The following ATP11A variants were observed in gnomAD, a reference collection of about 807,000 sequenced individuals.
ATP11A encodes ATPase phospholipid transporting 11A.
A neutral mutation model predicts 154.4 loss-of-function variants in ATP11A; 81 were observed. That is an observed-to-expected ratio of 0.52 (90% CI 0.44 to 0.63). The LOEUF (loss-of-function observed/expected upper bound fraction) is 0.63, where lower values mean the gene tolerates loss of function less well. Ranked by LOEUF, ATP11A falls within the 30% of genes least tolerant of loss-of-function variation. The pLI, the probability that ATP11A is intolerant of heterozygous loss-of-function variation, is 0.00. For missense variants in ATP11A, 1,316 were observed against 1,474.3 expected, an observed-to-expected ratio of 0.89 and a Z score of 1.76; for synonymous variants, 623 against 585.9, an observed-to-expected ratio of 1.06 and a Z score of -0.91.
intron 1 of ATP11A, among the ~76,000 whole-genome samples, chr13:112,714,026 A>C (rs1888106731): frequency 1.6e-5 from 1 of 63,426 alleles, no homozygotes; most frequent in African/African-American, 6.3e-5. Flanking sequence ...CCCTGATCCC[A>C]CACCTCCCTT....
In ATP11A at chr13:112,690,829, G is replaced by T. The variant is rs1226608813; in HGVS notation, c.39+374G>T. On this transcript the variant is annotated intron_variant, in intron 1 of 29. Transcript: ENST00000375645. The surrounding 1 kb of genome is among the most constrained non-coding windows in gnomAD (Gnocchi z 5.6). ...GGGAGCCAACTTCGACCCCGCCGGG[G>T]CCCGGGTCTGGGGAGGAACCTTCAG... 6.6e-6 allele frequency among the ~76,000 whole-genome samples: 1 copy of T among 152,216 alleles called. No individual in the cohort carries two copies. The highest frequency in any genetic ancestry group is 1.5e-5 in the Non-Finnish European group (1 of 68,028).
At chr13:112,866,565 G>C (rs1383739782) in intron 25 of ATP11A, among the ~76,000 whole-genome samples, 1 of 150,912 alleles carries the variant, frequency 6.6e-6, no homozygotes, top group Non-Finnish European at 1.5e-5. Context: ...CTGCTTAAAT[G>C]CCTCAGGTAT....
intron 16 of ATP11A, among the ~76,000 whole-genome samples, chr13:112,836,751 C>A (rs996245050): frequency 1.3e-5 from 2 of 152,244 alleles, no homozygotes; most frequent in African/African-American, 4.8e-5. Flanking sequence ...ACACTCGGTT[C>A]GTGCTCCGGA....
chr13:112,851,464 A>G, intron 18 of ATP11A: 1 of 421,664 alleles, frequency 2.4e-6, no homozygotes. Flanking sequence ...GAAGTAGTGA[A>G]AATAGCTTTG....
chr13:112,880,911 A>G (rs2080866651), intron 29 of ATP11A: 3 of 994,904 alleles, frequency 3.0e-6, no homozygotes, highest in Non-Finnish European at 3.6e-6. Context: ...CAGACCCAGC[A>G]TCGTCAGACA....
At position 112,862,809 on chromosome 13, in the gene ATP11A, A is replaced by G. The variant is rs564903433; in HGVS notation, c.2991+234A>G. On this transcript the variant is annotated intron_variant, in intron 25 of 29. Coordinates refer to ENST00000375645, the MANE Select transcript of ATP11A (RefSeq NM_015205.3). ...CAGCTTCCCAGCAGGGTCCATCACC[A>G]CCTGCGCAGTAATTCAGTGCAGCCC... is the stretch of plus-strand genomic sequence containing the variant. Among the ~76,000 whole-genome samples the G allele has an allele frequency of 4.0e-4, 59 of 146,214 alleles. 1 individual carries two copies. Among genetic ancestry groups the G allele is most frequent in the Non-Finnish European group, 7.5e-4 (51 of 67,614 alleles).
At chr13:112,733,118 A>G (rs1168958737) in intron 1 of ATP11A, among the ~76,000 whole-genome samples, 1 of 152,260 alleles carries the variant, frequency 6.6e-6, no homozygotes, top group Non-Finnish European at 1.5e-5. Context: ...TACATTTCTT[A>G]AAGAACTAAT....
At chr13:112,876,751 G>T (rs1411962984) in intron 28 of ATP11A, among the ~76,000 whole-genome samples, 1 of 152,256 alleles carries the variant, frequency 6.6e-6, no homozygotes, top group Admixed American at 6.5e-5. Flanking sequence ...AGGGTGTGAG[G>T]CTCCCCAGGT....
At position 112,726,843 on chromosome 13, in the gene ATP11A, C is replaced by T. The variant is rs79272408; in HGVS notation, c.39+36388C>T. Among the ~76,000 whole-genome samples the T allele has an allele frequency of 3.9e-3, 601 of 152,314 alleles. 4 individuals carry two copies. Among genetic ancestry groups the T allele is most frequent in the African/African-American group, 0.014 (566 of 41,574 alleles). ...ACAAGCAGAATAAAAAATGCACCAC[C>T]TAATGCTACTGTAGGTCCTCTGAAT... On this transcript the variant is annotated intron_variant, in intron 1 of 29. Transcript: ENST00000375645.
intron 6 of ATP11A, 90 bp from the exon 7 acceptor site, chr13:112,819,214 A>C (rs2078727332): frequency 9.7e-7 from 1 of 1,031,592 alleles, no homozygotes; most frequent in South Asian, 1.3e-5. Context: ...AGGGTCAGCC[A>C]GGCTTTGTAA....
intron 1 of ATP11A, among the ~76,000 whole-genome samples, chr13:112,698,718 C>A (rs442098): frequency 0.8 from 122,036 of 151,898 alleles, 50,049 homozygotes; most frequent in East Asian, 0.93. Flanking sequence ...ATTTATTTAT[C>A]TTTATTTATT....
chr13:112,715,105 G>A (rs933494923), intron 1 of ATP11A, among the ~76,000 whole-genome samples: 12 of 152,162 alleles, frequency 7.9e-5, no homozygotes, highest in Non-Finnish European at 1.5e-4. Context: ...TGACTCCGCC[G>A]TTCCTTTGCA....
chr13:112,874,321 C>G (rs2080645652), intron 27 of ATP11A, among the ~76,000 whole-genome samples: 1 of 152,206 alleles, frequency 6.6e-6, no homozygotes, highest in Non-Finnish European at 1.5e-5. Flanking sequence ...GCCTCCTGGA[C>G]CGCCGGCCGT....
intron 25 of ATP11A, among the ~76,000 whole-genome samples, chr13:112,868,416 A>T (rs1230903831): frequency 6.6e-6 from 1 of 152,150 alleles, no homozygotes; most frequent in African/African-American, 2.4e-5. Context: ...TTCTCAAAGG[A>T]GGGAGGAAGT....
chr13:112,840,962 G>T (rs1373830865), intron 16 of ATP11A, among the ~76,000 whole-genome samples: 1 of 152,226 alleles, frequency 6.6e-6, no homozygotes, highest in Non-Finnish European at 1.5e-5. Flanking sequence ...GTGTCTGGGG[G>T]TCTCAGGGCT....
At chr13:112,792,499 C>G (rs1257333634) in intron 2 of ATP11A, among the ~76,000 whole-genome samples, 1 of 152,156 alleles carries the variant, frequency 6.6e-6, no homozygotes, top group Non-Finnish European at 1.5e-5. Context: ...TTGTTCTCAG[C>G]AAGTTTGCTT....
chr13:112,826,857 T>G lies in ATP11A; in HGVS notation c.1187T>G (p.Val396Gly), dbSNP rs1037750921. The part of the protein sequence containing the change: ...FDEETGEGPL[V>G]NTSDLNEELG... Reference sequence around the variant, plus strand: ...GAGGAGACTGGCGAGGGGCCTCTGGTGAACACGTCGGACCTCAATGAAGAG... The same window carrying G: ...GAGGAGACTGGCGAGGGGCCTCTGGGGAACACGTCGGACCTCAATGAAGAG... Residue 396 changes from valine to glycine, a missense_variant, in exon 12 of 30, where the codon GTG becomes GGG. Physicochemically the swap from Val to Gly is moderately radical, Grantham distance 109 (BLOSUM62 -3). This residue lies in a region of ATP11A where 876 missense variants were observed against 1,006.8 expected (regional missense o/e 0.87). Transcript: ENST00000375645. 6.2e-7 allele frequency: 1 copy of G among 1,614,082 alleles called. No individual in the cohort carries two copies. The highest frequency in any genetic ancestry group is 8.5e-7 in the Non-Finnish European group (1 of 1,180,048).
chr13:112,739,649 C>T lies in ATP11A; in HGVS notation c.40-45486C>T, dbSNP rs561751508. On this transcript the variant is annotated intron_variant, in intron 1 of 29. Transcript: ENST00000375645. ...TCCTCAAAGCATTGAAAACACGCGT[C>T]CACACGGAAACTTTCACACAGATGT... 6.6e-5 allele frequency among the ~76,000 whole-genome samples: 10 copies of T among 152,352 alleles called. No homozygotes were observed. In the South Asian group the frequency reaches 2.1e-3, roughly 32 times the overall value.
At chr13:112,755,282 G>A (rs906445959) in intron 1 of ATP11A, among the ~76,000 whole-genome samples, 3 of 152,088 alleles carry the variant, frequency 2.0e-5, no homozygotes, top group Admixed American at 1.3e-4. Flanking sequence ...GAGGTCGCTG[G>A]GTTTTCGTGT....
Sources: allele counts gnomAD v4.1 joint callset (sites outside exome capture counted in the v4.1 genomes callset), GRCh38; gene constraint gnomAD v4.1.1; regional missense constraint gnomAD v4.1.1; non-coding constraint Gnocchi (gnomAD v3.1); transcripts MANE v1.5; gene names NCBI Gene and HGNC (gene_info 2026-07-23, HGNC 2026-07-21).